The following C2CD3 variants were observed in gnomAD, a reference collection of about 807,000 sequenced individuals.
The protein encoded by C2CD3 is C2 domain containing 3 centriole elongation regulator.
Under a neutral mutation model 234.0 loss-of-function variants are expected in C2CD3, and 148 were observed. That is an observed-to-expected ratio of 0.63 (90% CI 0.55 to 0.72). The LOEUF (loss-of-function observed/expected upper bound fraction) is 0.72, where lower values mean the gene tolerates loss of function less well. Among genes scored for constraint, C2CD3 ranks in the 30% least tolerant of loss-of-function variants. C2CD3 has a pLI of 0.00. For missense variants in C2CD3, 2,577 were observed against 2,811.5 expected, an observed-to-expected ratio of 0.92 and a Z score of 1.89; for synonymous variants, 1,000 against 1,035.4, an observed-to-expected ratio of 0.97 and a Z score of 0.66.
intron 9 of C2CD3, among the ~76,000 whole-genome samples, chr11:74,115,788 T>C (rs1234267012): frequency 6.6e-6 from 1 of 152,090 alleles, no homozygotes; most frequent in African/African-American, 2.4e-5. Context: ...CATAGACCAA[T>C]GGAACAGAAT....
rs190450382 is a variant in C2CD3 at position 74,149,903 on chromosome 11, G to C, written c.484-10075C>G. Among the ~76,000 whole-genome samples, 590 of 152,212 alleles carry C rather than the reference G, an allele frequency of 3.9e-3. 3 individuals are homozygous for C. The highest frequency in any genetic ancestry group is 0.034 in the Middle Eastern group (10 of 294). ...TCTTACACTAGATAGTTTGCCTAGA[G>C]AGACAGAATTCTAGGCCATTTTCAT... is the stretch of plus-strand genomic sequence containing the variant. On this transcript the variant is annotated intron_variant, in intron 3 of 32. Coordinates refer to ENST00000334126, the MANE Select transcript of C2CD3 (RefSeq NM_001286577.2).
In C2CD3 at chr11:74,080,700, G is replaced by T. The variant is rs563248917; in HGVS notation, c.4001-1983C>A. On this transcript the variant is annotated intron_variant, in intron 22 of 32. Coordinates refer to ENST00000334126, the MANE Select transcript of C2CD3 (RefSeq NM_001286577.2). Reference sequence around the variant, plus strand: ...TCCAAGGGGTTAATTTTAATTCACAGAGATGTGATTTCCCAGATGGTGCTT... The same window carrying T: ...TCCAAGGGGTTAATTTTAATTCACATAGATGTGATTTCCCAGATGGTGCTT... Among the ~76,000 whole-genome samples the T allele has an allele frequency of 9.2e-5, 14 of 152,272 alleles. No individual in the cohort carries two copies. In the South Asian group the frequency reaches 2.9e-3, roughly 32 times the overall value.
intron 10 of C2CD3, 121 bp from the exon 11 acceptor site, chr11:74,114,013 T>TC (rs1956843143): frequency 1.6e-6 from 1 of 627,350 alleles, no homozygotes; most frequent in African/African-American, 1.8e-5. Flanking sequence ...AGGCCCTACC[T>TC]CTTCTTCAAA....
rs751521918 is a variant in C2CD3, at chr11:74,084,951, A to T, written c.3930T>A (p.Ile1310=). ...NTKSASDIIS[I]ESCKEYLLGV... is the part of the protein sequence containing the mutation. ...CAAGCAGATACTCTTTGCATGACTC[A>T]ATACTGATTATATCACTTGCTGTTA... Residue 1310 remains isoleucine (I), a synonymous_variant, in exon 22 of 33, where the codon ATT becomes ATA. Transcript: ENST00000334126. The T allele has an allele frequency of 1.9e-6, 3 of 1,609,304 alleles. No individual in the cohort carries two copies. In the African/African-American group the frequency reaches 4.0e-5, roughly 22 times the overall value.
rs1957697208 is a variant in C2CD3, at chr11:74,132,083, G to A, written c.1217+761C>T. 2.0e-5 allele frequency among the ~76,000 whole-genome samples: 3 copies of A among 152,218 alleles called. No homozygotes were observed. The South Asian group carries it at 6.2e-4, about 32-fold the overall frequency. On this transcript the variant is annotated intron_variant, in intron 7 of 32. Transcript: ENST00000334126. ...TACTATGTGTTGGCCAGGCACTGTG[G>A]CTCATGCTTGTAATCCCAGCACTTT... is the stretch of plus-strand genomic sequence containing the variant.
chr11:74,097,864 T>C (rs1027686455), intron 16 of C2CD3, 145 bp downstream of exon 16: 33 of 710,796 alleles, frequency 4.6e-5, no homozygotes, highest in Middle Eastern at 4.1e-4. Context: ...AATGATTCCT[T>C]TGATTTATAG....
chr11:74,116,883 C>CACAT, intron 9 of C2CD3, among the ~76,000 whole-genome samples: 1 of 120,032 alleles, frequency 8.3e-6, no homozygotes, highest in South Asian at 2.6e-4. Flanking sequence ...TGTATATATA[C>CACAT]ACACGTGTAT....
At chr11:74,038,281 G>A (rs891458255) in intron 29 of C2CD3, among the ~76,000 whole-genome samples, 9 of 152,184 alleles carry the variant, frequency 5.9e-5, no homozygotes, top group Non-Finnish European at 1.2e-4. Context: ...AAGAATGCTG[G>A]ATGGATAAAA....
At chr11:74,053,043 C>A (rs1953768332) in intron 26 of C2CD3, among the ~76,000 whole-genome samples, 1 of 152,168 alleles carries the variant, frequency 6.6e-6, no homozygotes, top group Admixed American at 6.5e-5. Context: ...AAGTCCTCAT[C>A]ACCTCAATTT....
intron 3 of C2CD3, chr11:74,142,386 T>C (rs1854865175): frequency 6.6e-6 from 1 of 152,236 alleles, no homozygotes; most frequent in African/African-American, 2.4e-5. Flanking sequence ...AAGAATTTCT[T>C]TGGGCTAAAT....
chr11:74,034,674 T>C, intron 30 of C2CD3: 1 of 1,298,532 alleles, frequency 7.7e-7, no homozygotes, highest in Non-Finnish European at 1.1e-6. Flanking sequence ...TAAAACTACC[T>C]ATTTTACTTC....
intron 3 of C2CD3, among the ~76,000 whole-genome samples, chr11:74,158,872 G>A (rs898066309): frequency 1.3e-5 from 2 of 152,188 alleles, no homozygotes; most frequent in African/African-American, 4.8e-5. Context: ...GTGAGGATGT[G>A]GAGAAAGGGA....
chr11:74,153,348 G>A (rs1420344909), intron 3 of C2CD3, among the ~76,000 whole-genome samples: 3 of 152,198 alleles, frequency 2.0e-5, no homozygotes, highest in Admixed American at 6.5e-5. Flanking sequence ...AGATCTTAGT[G>A]TGATAAGGCA....
Position 74,022,575 on chromosome 11 carries a change from G to A in C2CD3, c.6921+5712C>T, listed in dbSNP as rs147066578. Among the ~76,000 whole-genome samples the A allele has an allele frequency of 8.2e-3, 1,248 of 152,286 alleles. 23 individuals are homozygous for A. Among genetic ancestry groups the A allele is most frequent in the African/African-American group, 0.029 (1,191 of 41,558 alleles). On this transcript the variant is annotated intron_variant, in intron 32 of 32. Coordinates refer to ENST00000334126, the MANE Select transcript of C2CD3 (RefSeq NM_001286577.2). The stretch of plus-strand genomic sequence containing the variant: ...AAGAGTGAAAATCTACAGAGCAGAA[G>A]ACACAGTCTGAGGAAGACAACATGT...
chr11:74,149,654 A>G (rs972026638), intron 3 of C2CD3, among the ~76,000 whole-genome samples: 3 of 151,850 alleles, frequency 2.0e-5, no homozygotes, highest in African/African-American at 7.3e-5. Flanking sequence ...CCAATTTGGA[A>G]TAGCTGCCAT....
At chr11:74,158,715 T>C (rs1201971638) in intron 3 of C2CD3, among the ~76,000 whole-genome samples, 1 of 143,888 alleles carries the variant, frequency 6.9e-6, no homozygotes, top group Non-Finnish European at 1.5e-5. Context: ...AGAGCAAAAC[T>C]TCGTCTCAAA....
intron 4 of C2CD3, 86 bp from the exon 5 acceptor site, chr11:74,139,053 T>C (rs1957961580): frequency 8.2e-7 from 1 of 1,214,056 alleles, no homozygotes. Context: ...AGTAGACCAG[T>C]GGTTTTGGCA....
chr11:74,049,097 T>C (rs1377492053), intron 27 of C2CD3, among the ~76,000 whole-genome samples: 1 of 152,242 alleles, frequency 6.6e-6, no homozygotes, highest in Non-Finnish European at 1.5e-5. Flanking sequence ...TAATGTATTA[T>C]ACAATTCATC....
intron 3 of C2CD3, among the ~76,000 whole-genome samples, chr11:74,158,880 G>A (rs1856234396): frequency 6.6e-6 from 1 of 152,076 alleles, no homozygotes; most frequent in South Asian, 2.1e-4. Context: ...GTGGAGAAAG[G>A]GATACTCATG....
Sources: gnomAD v4.1 joint callset for allele counts (sites outside exome capture counted in the v4.1 genomes callset) on GRCh38, gnomAD v4.1.1 for gene constraint, MANE v1.5 for transcripts, NCBI Gene and HGNC (gene_info 2026-07-23, HGNC 2026-07-21) for gene names.